Variants in MAGI2 observed in about 807,000 individuals in gnomAD.
MAGI2 encodes membrane associated guanylate kinase, WW and PDZ domain containing 2, also known as membrane-associated guanylate kinase, WW and PDZ domain-containing protein 2.
A neutral mutation model predicts 133.3 loss-of-function variants in MAGI2; 35 were observed. The observed-to-expected ratio is 0.26, with a 90% CI of 0.20 to 0.35. The LOEUF is 0.35. Ranked by LOEUF, MAGI2 falls within the 10% of genes least tolerant of loss-of-function variation. The probability of loss-of-function intolerance (pLI) is 1.00; values close to 1 mark genes in which losing one functional copy is unlikely to be tolerated. For missense variants in MAGI2, 1,636 were observed against 1,863.4 expected, an observed-to-expected ratio of 0.88 and a Z score of 2.25; for synonymous variants, 729 against 710.6, an observed-to-expected ratio of 1.03 and a Z score of -0.41.
chr7:78,320,173 G>C (rs2151118630), intron 9 of MAGI2, among the ~76,000 whole-genome samples: 1 of 152,236 alleles, frequency 6.6e-6, no homozygotes, highest in East Asian at 1.9e-4. Flanking sequence ...TGGATTCACA[G>C]CCGAATTTTA....
At chr7:79,199,563 TC>T in intron 1 of MAGI2, among the ~76,000 whole-genome samples, 1 of 152,182 alleles carries the variant, frequency 6.6e-6, no homozygotes, top group South Asian at 2.1e-4. Context: ...AAAGCACGTT[TC>T]TTAACCTACG....
intron 12 of MAGI2, among the ~76,000 whole-genome samples, chr7:78,186,004 C>T (rs1241703482): frequency 2.6e-5 from 4 of 151,980 alleles, no homozygotes; most frequent in Non-Finnish European, 5.9e-5. Flanking sequence ...AATCTAGAAC[C>T]TGAAAGGTAT....
intron 3 of MAGI2, among the ~76,000 whole-genome samples, chr7:78,555,349 C>T (rs1419976444): frequency 6.6e-6 from 1 of 151,796 alleles, no homozygotes; most frequent in African/African-American, 2.4e-5. Context: ...TCTTTCATTC[C>T]TTTTAGTACA....
At chr7:79,343,871 C>T (rs905013511) in intron 1 of MAGI2, among the ~76,000 whole-genome samples, 2 of 152,156 alleles carry the variant, frequency 1.3e-5, no homozygotes, top group Non-Finnish European at 2.9e-5. Flanking sequence ...AGCAACAGCA[C>T]TTAATCAATT....
intron 2 of MAGI2, 153 bp from the exon 3 acceptor site, chr7:78,627,392 A>G: frequency 1.7e-6 from 1 of 586,514 alleles, no homozygotes; most frequent in Non-Finnish European, 2.6e-6. Context: ...GTTTGGCAAC[A>G]GAAAACAGCA....
At chr7:78,703,808 A>G (rs73149086) in intron 2 of MAGI2, among the ~76,000 whole-genome samples, 7,578 of 128,836 alleles carry the variant, frequency 0.059, 274 homozygotes, top group Non-Finnish European at 0.085. Context: ...GTGATATTCA[A>G]GATACACACA....
intron 21 of MAGI2, among the ~76,000 whole-genome samples, chr7:78,025,690 T>A (rs554105258): frequency 1.8e-4 from 28 of 152,130 alleles, no homozygotes; most frequent in South Asian, 4.2e-4. Flanking sequence ...GGTGGTGAAA[T>A]GGTAATGTGT....
intron 2 of MAGI2, among the ~76,000 whole-genome samples, chr7:78,874,269 T>C (rs1431142505): frequency 2.0e-5 from 3 of 151,860 alleles, no homozygotes; most frequent in African/African-American, 7.3e-5. Context: ...ATTGAAAAAA[T>C]AGAGAAATTT....
intron 1 of MAGI2, among the ~76,000 whole-genome samples, chr7:79,048,760 G>GGTC (rs1213672424): frequency 6.6e-6 from 1 of 152,036 alleles, no homozygotes; most frequent in East Asian, 1.9e-4. Context: ...GATCACTTGA[G>GGTC]GTCGGGAGTT....
chr7:79,435,589 T>C (rs577106066), intron 1 of MAGI2, among the ~76,000 whole-genome samples: 49 of 147,398 alleles, frequency 3.3e-4, no homozygotes, highest in South Asian at 1.1e-3. Context: ...CTACTTTTCA[T>C]TTCTGGGACT....
At chr7:78,108,544 A>G (rs1329074170) in intron 20 of MAGI2, among the ~76,000 whole-genome samples, 1 of 152,070 alleles carries the variant, frequency 6.6e-6, no homozygotes, top group Non-Finnish European at 1.5e-5. Flanking sequence ...TTCTGTCTGG[A>G]TGATCTGTCC....
chr7:79,150,099 A>G (rs1427543144), intron 1 of MAGI2, among the ~76,000 whole-genome samples: 1 of 152,166 alleles, frequency 6.6e-6, no homozygotes, highest in Admixed American at 6.5e-5. Context: ...GTCAGCTGGC[A>G]GGAGGAAGGA....
At chr7:79,125,866 GACAGGGAAGTT>G in intron 1 of MAGI2, 1 of 454,684 alleles carries the variant, frequency 2.2e-6, no homozygotes, top group Admixed American at 2.4e-5. Context: ...GCCAGAGAGT[GACAGGGAAGTT>G]ACAGGTTACA....
At chr7:78,060,275 T>C (rs1340588638) in intron 21 of MAGI2, among the ~76,000 whole-genome samples, 1 of 129,408 alleles carries the variant, frequency 7.7e-6, no homozygotes, top group Non-Finnish European at 1.6e-5. Flanking sequence ...AGATTGAGAG[T>C]GTCAGTGAAA....
At chr7:78,124,220 T>C (rs1161950877) in intron 20 of MAGI2, among the ~76,000 whole-genome samples, 1 of 152,106 alleles carries the variant, frequency 6.6e-6, no homozygotes, top group African/African-American at 2.4e-5. Flanking sequence ...GAGCTGGCCT[T>C]ATAGCAGGTT....
At chr7:79,261,117 T>C (rs1322704207) in intron 1 of MAGI2, among the ~76,000 whole-genome samples, 1 of 152,234 alleles carries the variant, frequency 6.6e-6, no homozygotes, top group Non-Finnish European at 1.5e-5. Flanking sequence ...AATATGGTCA[T>C]GTTTCAGTAT....
chr7:79,229,682 C>A (rs1053027792), intron 1 of MAGI2, among the ~76,000 whole-genome samples: 7 of 152,128 alleles, frequency 4.6e-5, no homozygotes, highest in Non-Finnish European at 8.8e-5. Context: ...ACAGAGATAA[C>A]AGAATTCTAA....
chr7:79,086,644 T>A (rs1386316328), intron 1 of MAGI2, among the ~76,000 whole-genome samples: 1 of 151,878 alleles, frequency 6.6e-6, no homozygotes, highest in African/African-American at 2.4e-5. Flanking sequence ...TCTGCCATTC[T>A]GAAAATGTGA....
chr7:79,234,396 A>G (rs1831684472), intron 1 of MAGI2, among the ~76,000 whole-genome samples: 1 of 151,970 alleles, frequency 6.6e-6, no homozygotes, highest in African/African-American at 2.4e-5. Context: ...GTGTTTTCCA[A>G]CTTGGTTCCA....
Sources: gnomAD v4.1 joint callset for allele counts (sites outside exome capture counted in the v4.1 genomes callset) on GRCh38, gnomAD v4.1.1 for gene constraint, MANE v1.5 for transcripts, NCBI Gene and HGNC (gene_info 2026-07-23, HGNC 2026-07-21) for gene names.